The following ROBO2 variants were observed in gnomAD, a reference collection of about 807,000 sequenced individuals.
ROBO2 encodes the protein roundabout guidance receptor 2, also known as roundabout homolog 2.
A neutral mutation model predicts 160.8 loss-of-function variants in ROBO2; 53 were observed. The ratio of observed to expected loss-of-function variants is 0.33; its 90% CI spans 0.26 to 0.41. The LOEUF is 0.41. Ranked by LOEUF, ROBO2 falls within the 10% of genes least tolerant of loss-of-function variation. ROBO2 has a pLI of 1.00. For synonymous variants in ROBO2, 664 were observed against 611.7 expected (o/e 1.09, Z -1.26); for missense variants, 1,577 against 1,722.4 (o/e 0.92, Z 1.49).
intron 2 of ROBO2, among the ~76,000 whole-genome samples, chr3:76,315,477 C>T (rs1365812773): frequency 1.3e-5 from 2 of 152,152 alleles, no homozygotes; most frequent in Admixed American, 6.5e-5. Context: ...ATTCATGGTG[C>T]ATTGAAGCGC....
chr3:76,372,688 G>A (rs1391320592), intron 2 of ROBO2, among the ~76,000 whole-genome samples: 1 of 151,892 alleles, frequency 6.6e-6, no homozygotes, highest in African/African-American at 2.4e-5. Context: ...CTCTGAGTTG[G>A]TCGTCATGGG....
intron 2 of ROBO2, among the ~76,000 whole-genome samples, chr3:77,122,942 G>A (rs1285035462): frequency 6.6e-6 from 1 of 151,738 alleles, no homozygotes; most frequent in African/African-American, 2.4e-5. Context: ...GTAAGTCTGG[G>A]AATAGCTTGT....
At chr3:76,489,084 C>CAAAAAAAA (rs67454494) in intron 2 of ROBO2, among the ~76,000 whole-genome samples, 1 of 60,134 alleles carries the variant, frequency 1.7e-5, no homozygotes, top group Non-Finnish European at 3.2e-5. Flanking sequence ...GACTCTGTCT[C>CAAAAAAAA]AAAAAAAAAA....
At chr3:76,095,160 G>C (rs1408010355) in intron 2 of ROBO2, among the ~76,000 whole-genome samples, 1 of 151,964 alleles carries the variant, frequency 6.6e-6, no homozygotes, top group Admixed American at 6.6e-5. Flanking sequence ...AGAATGAGAA[G>C]ATAATATGGT....
intron 2 of ROBO2, among the ~76,000 whole-genome samples, chr3:76,441,098 T>C (rs551671935): frequency 6.6e-6 from 1 of 152,284 alleles, no homozygotes; most frequent in South Asian, 2.1e-4. Context: ...AAATGTTGAT[T>C]CTATTCCAAA....
At chr3:77,054,123 A>G (rs1399554952) in intron 1 of ROBO2, among the ~76,000 whole-genome samples, 1 of 152,186 alleles carries the variant, frequency 6.6e-6, no homozygotes, top group Non-Finnish European at 1.5e-5. Flanking sequence ...ATGCTTGTCT[A>G]CTTAACACTA....
intron 5 of ROBO2, among the ~76,000 whole-genome samples, chr3:77,507,999 A>C (rs1280434594): frequency 3.3e-5 from 5 of 151,986 alleles, no homozygotes; most frequent in Non-Finnish European, 7.4e-5. Flanking sequence ...ACAATAATGA[A>C]AATAATGAAA....
At chr3:76,431,227 T>C (rs1227045092) in intron 2 of ROBO2, among the ~76,000 whole-genome samples, 3 of 151,474 alleles carry the variant, frequency 2.0e-5, no homozygotes, top group Non-Finnish European at 4.4e-5. Flanking sequence ...AATGGCCTTT[T>C]ATTTGTCAGC....
At position 76,171,618 on chromosome 3, in the gene ROBO2, G is replaced by A. The variant is rs77806863; in HGVS notation, c.109+234016G>A. 3.6e-3 allele frequency among the ~76,000 whole-genome samples: 543 copies of A among 151,984 alleles called. 8 individuals carry two copies. Among genetic ancestry groups the A allele is most frequent in the Admixed American group, 0.027 (404 of 15,234 alleles). ...TTTATTTTTCCTCTTTTTTCTCTCC[G>A]AGCAATGCCCTGATGTAGCTACATT... On this transcript the variant is annotated intron_variant, in intron 2 of 26. Coordinates refer to the ROBO2 transcript ENST00000487694.
chr3:75,964,291 T>C (rs1334925082), intron 2 of ROBO2, among the ~76,000 whole-genome samples: 1 of 151,792 alleles, frequency 6.6e-6, no homozygotes, highest in Non-Finnish European at 1.5e-5. Context: ...AAAAATCTAA[T>C]GAATTGATTG....
At chr3:77,418,483 A>G (rs1243099201) in intron 2 of ROBO2, among the ~76,000 whole-genome samples, 3 of 152,128 alleles carry the variant, frequency 2.0e-5, no homozygotes, top group East Asian at 3.9e-4. Context: ...CTTATAATTT[A>G]TGATTTGTTC....
chr3:77,327,512 C>T (rs1288964116), intron 2 of ROBO2, among the ~76,000 whole-genome samples: 1 of 152,106 alleles, frequency 6.6e-6, no homozygotes, highest in Admixed American at 6.5e-5. Flanking sequence ...CCCTTGAAAA[C>T]CGGACCCATT....
chr3:76,613,946 T>C (rs981178626), intron 2 of ROBO2, among the ~76,000 whole-genome samples: 7 of 152,082 alleles, frequency 4.6e-5, no homozygotes, highest in East Asian at 1.9e-4. Flanking sequence ...AGTACCCTTA[T>C]ACATTTTTTT....
intron 2 of ROBO2, among the ~76,000 whole-genome samples, chr3:76,200,516 C>T (rs1702470755): frequency 1.3e-5 from 2 of 152,098 alleles, no homozygotes; most frequent in Admixed American, 6.6e-5. Context: ...GTGACATATT[C>T]TGGTACCTTG....
chr3:76,386,148 A>C (rs9840554), intron 2 of ROBO2, among the ~76,000 whole-genome samples: 12,764 of 152,200 alleles, frequency 0.084, 1,569 homozygotes, highest in African/African-American at 0.27. Flanking sequence ...ATATAGTAAT[A>C]TGTATGTTAT....
At position 75,963,181 on chromosome 3, in the gene ROBO2, TTTTATTTA is replaced by T. The variant is rs761153603; in HGVS notation, c.109+25596_109+25603del. ...AAGTTTTGAAATTGTTTTTATCTAT[TTTTATTTA>T]TTTATTTATTTATTTACAGACAGGG... On this transcript the variant is annotated intron_variant, in intron 2 of 26. Transcript: ENST00000487694. Among the ~76,000 whole-genome samples the T allele has an allele frequency of 1.7e-3, 259 of 151,788 alleles. 1 individual carries two copies. The Middle Eastern group carries it at 0.024, about 14-fold the overall frequency.
chr3:75,954,040 A>T (rs1398284849), intron 2 of ROBO2, among the ~76,000 whole-genome samples: 3 of 151,794 alleles, frequency 2.0e-5, no homozygotes, highest in African/African-American at 4.8e-5. Flanking sequence ...AATACCAGGT[A>T]CATAATAAAT....
intron 2 of ROBO2, among the ~76,000 whole-genome samples, chr3:76,976,071 G>A (rs1409459829): frequency 6.6e-6 from 1 of 152,056 alleles, no homozygotes; most frequent in Non-Finnish European, 1.5e-5. Context: ...ATGTTTTGTT[G>A]GTGTTTTGGT....
At chr3:76,744,241 C>T (rs780673873) in intron 2 of ROBO2, among the ~76,000 whole-genome samples, 1 of 152,084 alleles carries the variant, frequency 6.6e-6, no homozygotes, top group Non-Finnish European at 1.5e-5. Flanking sequence ...AAGTTCAAGA[C>T]CAAGGTATCA....
Sources: allele counts gnomAD v4.1 joint callset (sites outside exome capture counted in the v4.1 genomes callset), GRCh38; gene constraint gnomAD v4.1.1; transcripts MANE v1.5; gene names NCBI Gene and HGNC (gene_info 2026-07-23, HGNC 2026-07-21).